The following ABCG5 variants were observed in gnomAD, a reference collection of about 807,000 sequenced individuals.
The protein encoded by ABCG5 is ATP-binding cassette sub-family G member 5.
In ABCG5, 64 loss-of-function variants were observed where a neutral mutation model predicts 64.5. The ratio of observed to expected loss-of-function variants is 0.99; its 90% CI spans 0.81 to 1.22. The LOEUF (loss-of-function observed/expected upper bound fraction) is 1.22. Ranked by LOEUF, ABCG5 falls within the 50% of genes most tolerant of loss-of-function variation. The pLI, the probability that ABCG5 is intolerant of heterozygous loss-of-function variation, is 0.00. For missense variants in ABCG5, 908 were observed against 829.5 expected (o/e 1.09, Z -1.16); for synonymous variants, 385 against 326.3 (o/e 1.18, Z -1.94).
chr2:43,817,601 A>G (rs1666921402), intron 11 of ABCG5, among the ~76,000 whole-genome samples: 1 of 151,906 alleles, frequency 6.6e-6, no homozygotes, highest in Non-Finnish European at 1.5e-5. Context: ...ATAAGTTGAA[A>G]ATATTCTAAG....
intron 10 of ABCG5, 141 bp from the exon 11 acceptor site, chr2:43,820,241 C>T: frequency 1.0e-6 from 1 of 987,356 alleles, no homozygotes; most frequent in Non-Finnish European, 1.5e-6. Flanking sequence ...CTTTGAAAGG[C>T]CGTTTTGGAA....
rs1667964581 is a variant in ABCG5 at position 43,831,841 on chromosome 2, G to T, written c.429C>A (p.Thr143=). ...LQSDTLLSSL[T]VRETLHYTAL... ...CGGTGTAGTGCAGCGTCTCGCGCAC[G>T]GTGAGGCTGCTCAGCAGGGTGTCGC... The change falls in exon 4 of 13, where the codon ACC becomes ACA. Residue 143 remains threonine, a synonymous_variant. Coordinates refer to ENST00000405322, the MANE Select transcript of ABCG5 (RefSeq NM_022436.3). 1.3e-6 allele frequency: 2 copies of T among 1,585,692 alleles called. No individual in the cohort carries two copies. The highest frequency in any genetic ancestry group is 2.3e-5 in the East Asian group (1 of 43,962).
intron 4 of ABCG5, among the ~76,000 whole-genome samples, chr2:43,830,796 G>A (rs1655070129): frequency 6.6e-6 from 1 of 152,260 alleles, no homozygotes; most frequent in African/African-American, 2.4e-5. Context: ...GCAGTTTCCA[G>A]GTAAGGTCCC....
intron 11 of ABCG5, among the ~76,000 whole-genome samples, chr2:43,816,496 G>A (rs1322521522): frequency 6.6e-6 from 1 of 152,216 alleles, no homozygotes; most frequent in Non-Finnish European, 1.5e-5. Context: ...AGGAACCATA[G>A]ATCTGGATGT....
In ABCG5 at chr2:43,838,593, A is replaced by G. The variant is rs1311615995; in HGVS notation, c.87T>C (p.Pro29=). The G allele has an allele frequency of 1.2e-6, 2 of 1,611,426 alleles. No homozygotes were observed. The change falls in exon 1 of 13, where the codon CCT becomes CCC. Residue 29 remains proline, a synonymous_variant. Transcript: ENST00000405322. This position sits in a 1 kb window ranked among gnomAD's most constrained non-coding sequence, Gnocchi z 4.2. ...RGSQSSLEGA[P]ATAPEPHSLG... Reference sequence around the variant, plus strand: ...GGCTGTGAGGCTCCGGGGCGGTGGCAGGAGCCCCCTCCAGGGAGCTCTGGG... The same window carrying G: ...GGCTGTGAGGCTCCGGGGCGGTGGCGGGAGCCCCCTCCAGGGAGCTCTGGG...
At chr2:43,815,187 C>G (rs2104754994) in intron 11 of ABCG5, among the ~76,000 whole-genome samples, 1 of 152,330 alleles carries the variant, frequency 6.6e-6, no homozygotes, top group Admixed American at 6.5e-5. Flanking sequence ...AACCAACATT[C>G]ATTGTGAAAA....
chr2:43,833,910 C>G (rs910844210), intron 2 of ABCG5, among the ~76,000 whole-genome samples: 42 of 151,906 alleles, frequency 2.8e-4, no homozygotes, highest in Admixed American at 5.2e-4. Context: ...TCTTGAACTC[C>G]TGACCACAGG....
At chr2:43,827,435 A>T (rs1667687931) in intron 5 of ABCG5, among the ~76,000 whole-genome samples, 1 of 152,108 alleles carries the variant, frequency 6.6e-6, no homozygotes, top group African/African-American at 2.4e-5. Context: ...CCACAGTGCA[A>T]AGAAAGGATC....
intron 10 of ABCG5, among the ~76,000 whole-genome samples, chr2:43,821,192 T>C (rs1667174062): frequency 1.3e-5 from 2 of 152,224 alleles, no homozygotes; most frequent in Admixed American, 6.5e-5. Flanking sequence ...TGAAGTTTGC[T>C]TATGCTATCA....
chr2:43,812,807 G>A lies in ABCG5; in HGVS notation c.*309C>T, dbSNP rs1666551160. The A allele has an allele frequency of 3.0e-6, 1 of 331,106 alleles. No individual in the cohort carries two copies. The highest frequency in any genetic ancestry group is 2.1e-5 in the African/African-American group (1 of 47,402). The allele number at this position is 331,106 out of a possible 1,614,324, so 20.5% of individuals were successfully genotyped here. A position where few individuals can be genotyped will look rare whatever the true frequency, so the allele number is the denominator to read the frequency against. ...GCTGACCTATTTTTTTCTGTGCCTA[G>A]AACAAGGAAAAAAAATAGTCACACG... On this transcript the variant is annotated 3_prime_UTR_variant, in exon 13 of 13. Transcript: ENST00000405322.
intron 10 of ABCG5, among the ~76,000 whole-genome samples, chr2:43,820,309 T>G (rs1383982183): frequency 1.3e-5 from 2 of 152,228 alleles, no homozygotes; most frequent in African/African-American, 4.8e-5. Flanking sequence ...TGCAACTCAT[T>G]GGGAGCCACC....
chr2:43,831,345 G>T (rs915529859), intron 4 of ABCG5, among the ~76,000 whole-genome samples: 3 of 152,020 alleles, frequency 2.0e-5, no homozygotes, highest in Non-Finnish European at 4.4e-5. Flanking sequence ...ACTAATTTTT[G>T]TATTTTTTAT....
chr2:43,837,432 C>T (rs961614623), intron 2 of ABCG5, among the ~76,000 whole-genome samples: 11 of 152,212 alleles, frequency 7.2e-5, no homozygotes, highest in African/African-American at 2.6e-4. Flanking sequence ...ATTCTCTATT[C>T]TTGATTGTAT....
intron 4 of ABCG5, among the ~76,000 whole-genome samples, chr2:43,830,679 C>T (rs1667902408): frequency 2.0e-5 from 3 of 151,318 alleles, no homozygotes; most frequent in Non-Finnish European, 4.4e-5. Flanking sequence ...ACTCTGCTAT[C>T]GGGAGTTCTC....
At chr2:43,835,853 G>GA (rs930239381) in intron 2 of ABCG5, among the ~76,000 whole-genome samples, 6 of 151,908 alleles carry the variant, frequency 3.9e-5, no homozygotes, top group South Asian at 2.1e-4. Context: ...AGAACTGTGA[G>GA]AAAAAAATTT....
At chr2:43,823,776 C>A in intron 9 of ABCG5, 137 bp downstream of exon 9, 2 of 994,972 alleles carry the variant, frequency 2.0e-6, no homozygotes, top group Non-Finnish European at 2.9e-6. Context: ...GTTGCCTTTC[C>A]CCAGAGAGGG....
At position 43,822,835 on chromosome 2, in the gene ABCG5, G is replaced by A. The variant is rs201506122; in HGVS notation, c.1425C>T (p.Ser475=). 67 of 1,614,156 alleles carry A rather than the reference G, an allele frequency of 4.2e-5. No individual in the cohort carries two copies. Among genetic ancestry groups the A allele is most frequent in the East Asian group, 3.8e-4 (17 of 44,882 alleles). Residue 475 remains serine (S), a synonymous_variant, in exon 10 of 13, where the codon AGC becomes AGT. Transcript: ENST00000405322. ...TGCTGAAAATCATGGTGGCAACAACGCTGAAGGGGAGGACGTGCAGTGCAT... is the reference window on the plus strand; with the variant it reads ...TGCTGAAAATCATGGTGGCAACAACACTGAAGGGGAGGACGTGCAGTGCAT... ...LAYALHVLPF[S]VVATMIFSSV...
intron 11 of ABCG5, among the ~76,000 whole-genome samples, chr2:43,815,424 A>C (rs532393036): frequency 6.6e-6 from 1 of 152,228 alleles, no homozygotes; most frequent in Non-Finnish European, 1.5e-5. Flanking sequence ...AAAAATATAC[A>C]GTAGTGAACT....
intron 7 of ABCG5, 79 bp from the exon 8 acceptor site, chr2:43,824,511 G>A (rs1233331520): frequency 6.3e-7 from 1 of 1,597,428 alleles, no homozygotes; most frequent in East Asian, 2.2e-5. Flanking sequence ...TGGTACAGGA[G>A]TACTGGCCAT....
Sources: allele counts gnomAD v4.1 joint callset (sites outside exome capture counted in the v4.1 genomes callset), GRCh38; gene constraint gnomAD v4.1.1; non-coding constraint Gnocchi (gnomAD v3.1); transcripts MANE v1.5; gene names NCBI Gene and HGNC (gene_info 2026-07-23, HGNC 2026-07-21).